The following SPTBN4 variants were observed in gnomAD, a reference collection of about 807,000 sequenced individuals.
SPTBN4 encodes spectrin beta chain, non-erythrocytic 4.
Under a neutral mutation model 277.8 loss-of-function variants are expected in SPTBN4, and 96 were observed. The ratio of observed to expected loss-of-function variants is 0.35; its 90% confidence interval spans 0.29 to 0.41. SPTBN4 has a LOEUF of 0.41. SPTBN4 is among the 10% of genes least tolerant of loss of function. The pLI is 1.00. For missense variants in SPTBN4, 3,006 were observed against 3,595.7 expected (o/e 0.84, Z 4.19); for synonymous variants, 1,481 against 1,580.3 (o/e 0.94, Z 1.49).
At chr19:40,489,990 G>T in intron 3 of SPTBN4, 85 bp from the exon 4 acceptor site, 3 of 1,405,082 alleles carry the variant, frequency 2.1e-6, no homozygotes, top group East Asian at 2.6e-5. Flanking sequence ...CACGGGAGGC[G>T]GGCTTCTTTG....
At chr19:40,529,940 C>G (rs78636815) in intron 18 of SPTBN4, among the ~76,000 whole-genome samples, 2 of 152,154 alleles carry the variant, frequency 1.3e-5, no homozygotes, top group Admixed American at 6.5e-5. Flanking sequence ...GACCCTCCCC[C>G]CTATGTTGAA....
intron 22 of SPTBN4, among the ~76,000 whole-genome samples, chr19:40,550,679 T>G (rs940386145): frequency 4.0e-5 from 6 of 151,836 alleles, no homozygotes; most frequent in African/African-American, 7.3e-5. Context: ...ATTTTTGTAT[T>G]TTTAGTAGAG....
chr19:40,501,241 GAAA>G (rs564405844), intron 7 of SPTBN4, among the ~76,000 whole-genome samples: 2 of 143,804 alleles, frequency 1.4e-5, no homozygotes, highest in Admixed American at 7.0e-5. Context: ...TCCATCTCTT[GAAA>G]AAAAAAAAAG....
intron 20 of SPTBN4, among the ~76,000 whole-genome samples, chr19:40,535,710 A>G (rs1240939144): frequency 6.6e-6 from 1 of 152,134 alleles, no homozygotes; most frequent in African/African-American, 2.4e-5. Context: ...AGGCGGGCGG[A>G]TCACGAGGTC....
chr19:40,483,517 C>T (rs2080035879), intron 2 of SPTBN4, among the ~76,000 whole-genome samples: 1 of 152,082 alleles, frequency 6.6e-6, no homozygotes, highest in Non-Finnish European at 1.5e-5. Flanking sequence ...CTTTAAATTG[C>T]ACCTTGAATG....
At chr19:40,487,960 G>C (rs1453055099) in intron 3 of SPTBN4, 112 bp downstream of exon 3, 4 of 1,242,512 alleles carry the variant, frequency 3.2e-6, no homozygotes, top group Non-Finnish European at 4.3e-6. Flanking sequence ...ATGGGCGAGT[G>C]GAACGTGCTG....
chr19:40,550,137 C>T (rs1439703498), intron 21 of SPTBN4, 101 bp from the exon 22 acceptor site: 5 of 920,440 alleles, frequency 5.4e-6, no homozygotes, highest in Non-Finnish European at 8.2e-6. Context: ...GGCTCTTAGG[C>T]AAGGAAGGGC....
At position 40,554,358 on chromosome 19, in the gene SPTBN4, A is replaced by G; in HGVS notation, c.4886A>G (p.Asp1629Gly). The G allele has an allele frequency of 6.3e-7, 1 of 1,583,096 alleles. No homozygotes were observed. The highest frequency in any genetic ancestry group is 1.1e-5 in the South Asian group (1 of 87,656). Residue 1629 changes from aspartate (D) to glycine (G), a missense_variant, in exon 23 of 36, where the codon GAC (aspartate) becomes GGC (glycine). Physicochemically the swap from Asp to Gly is moderately conservative, Grantham distance 94. Coordinates refer to ENST00000598249, the MANE Select transcript of SPTBN4 (RefSeq NM_020971.3). This position sits in a 1 kb window ranked among gnomAD's most constrained non-coding sequence, Gnocchi z 5.7. ...TTCCAGGTGGAGCAGTACTACTTCG[A>G]CGTGGCTGAGGTGGAGGCGTGGCTG... The part of the protein sequence containing the change: ...AAFQVEQYYF[D>G]VAEVEAWLGE...
At chr19:40,468,760 G>C (rs1441712696) in intron 1 of SPTBN4, among the ~76,000 whole-genome samples, 1 of 152,180 alleles carries the variant, frequency 6.6e-6, no homozygotes. Context: ...GTGGTAGGTA[G>C]CTGTGTGCTC....
At chr19:40,541,573 G>A (rs1158353241) in intron 20 of SPTBN4, among the ~76,000 whole-genome samples, 2 of 152,162 alleles carry the variant, frequency 1.3e-5, no homozygotes, top group Admixed American at 6.6e-5. Context: ...TAGGGCACTG[G>A]GGCCAGGCTG....
intron 2 of SPTBN4, among the ~76,000 whole-genome samples, chr19:40,485,058 G>A (rs910999648): frequency 9.9e-5 from 15 of 151,956 alleles, no homozygotes; most frequent in African/African-American, 3.6e-4. Context: ...GGCCAGGCTG[G>A]TCCCAAACTC....
intron 4 of SPTBN4, among the ~76,000 whole-genome samples, chr19:40,492,102 A>G (rs1305096796): frequency 1.3e-5 from 2 of 151,858 alleles, no homozygotes; most frequent in Non-Finnish European, 1.5e-5. Flanking sequence ...TTGGGAGCTG[A>G]GAGCCCAGGG....
chr19:40,517,435 A>G (rs967244623), intron 15 of SPTBN4, among the ~76,000 whole-genome samples: 1 of 151,968 alleles, frequency 6.6e-6, no homozygotes, highest in Non-Finnish European at 1.5e-5. Context: ...TAGTGGGACT[A>G]TGGATGCACA....
In SPTBN4 at chr19:40,567,675, A is replaced by G; in HGVS notation, c.6349A>G (p.Lys2117Glu). The change falls in exon 31 of 36, where the codon AAA (lysine) becomes GAA (glutamate). Residue 2117 changes from lysine to glutamate, a missense_variant. Lys to Glu is a moderately conservative substitution (Grantham distance 56, BLOSUM62 1). Around this residue, in one of 5 missense-constraint regions of SPTBN4, gnomAD observed 630 missense variants for 677.6 expected, o/e 0.93. Transcript: ENST00000598249. ...CCTCCATCCTCAGATCGAGAAAATC[A>G]AAGCGGAACAGAGCAAGCAGCCGCC... ...LRRLTTIEKI[K>E]AEQSKQPPTP... is the part of the protein sequence containing the mutation. 6.5e-7 allele frequency: 1 copy of G among 1,527,298 alleles called. No homozygotes were observed. The highest frequency in any genetic ancestry group is 8.8e-7 in the Non-Finnish European group (1 of 1,137,792). 94.6% of individuals were successfully genotyped at this position (1,527,298 alleles called of 1,614,324 possible). A position where few individuals can be genotyped will look rare whatever the true frequency, so the allele number is the denominator to read the frequency against.
rs75272797 is a variant in SPTBN4, at chr19:40,519,296, C to A, written c.2904-105C>A. On this transcript the variant is annotated intron_variant, in intron 15 of 35. Coordinates refer to ENST00000598249, the MANE Select transcript of SPTBN4 (RefSeq NM_020971.3). This position sits in a 1 kb window ranked among gnomAD's most constrained non-coding sequence, Gnocchi z 5.7. ...ACTGGAGAAACTTTCTGAGGTCACA[C>A]AGTGGCTGGGTGGCTTGGGCCTGGA... 2 of 1,191,918 alleles carry A rather than the reference C, an allele frequency of 1.7e-6. No homozygotes were observed. Among genetic ancestry groups the A allele is most frequent in the Non-Finnish European group, 1.1e-6 (1 of 910,064 alleles). 73.8% of individuals were successfully genotyped at this position (1,191,918 alleles called of 1,614,324 possible). A position where few individuals can be genotyped will look rare whatever the true frequency, so the allele number is the denominator to read the frequency against.
Position 40,554,767 on chromosome 19 carries a change from T to C in SPTBN4, c.5084+121T>C. 1 of 1,470,006 alleles carries C rather than the reference T, an allele frequency of 6.8e-7. No homozygotes were observed. Among genetic ancestry groups the C allele is most frequent in the Non-Finnish European group, 9.2e-7 (1 of 1,088,584 alleles). 91.1% of individuals were successfully genotyped at this position (1,470,006 alleles called of 1,614,324 possible). A position where few individuals can be genotyped will look rare whatever the true frequency, so the allele number is the denominator to read the frequency against. Reference sequence around the variant, plus strand: ...GGGAGAGGTCCTCCTTGCTGTGTGCTGGAGCCCTCGAATTTGGCAAGTGGG... The same window carrying C: ...GGGAGAGGTCCTCCTTGCTGTGTGCCGGAGCCCTCGAATTTGGCAAGTGGG... On this transcript the variant is annotated intron_variant, in intron 24 of 35. Coordinates refer to ENST00000598249, the MANE Select transcript of SPTBN4 (RefSeq NM_020971.3). This position sits in a 1 kb window ranked among gnomAD's most constrained non-coding sequence, Gnocchi z 5.7.
At chr19:40,498,507 A>G (rs1305134780) in intron 7 of SPTBN4, among the ~76,000 whole-genome samples, 3 of 143,910 alleles carry the variant, frequency 2.1e-5, no homozygotes, top group Admixed American at 1.4e-4. Flanking sequence ...CTGGGTTCAC[A>G]CCATTCTCCT....
In SPTBN4 at chr19:40,515,145, G is replaced by GTTAAA. The variant is rs923559410; in HGVS notation, c.2766-154_2766-150dup. ...AAATTAATTAAATTAAATTAAATAA[G>GTTAAA]TTAAATTAAATTAAATAAAATAAGC... On this transcript the variant is annotated intron_variant, in intron 14 of 35. Transcript: ENST00000598249. This position sits in a 1 kb window ranked among gnomAD's most constrained non-coding sequence, Gnocchi z 4.1. Among the ~76,000 whole-genome samples the GTTAAA allele has an allele frequency of 6.6e-6, 1 of 151,070 alleles. No homozygotes were observed.
rs2081163473 is a variant in SPTBN4, at chr19:40,572,350, C to G, written c.7506C>G (p.Gly2502=). 1 of 1,614,084 alleles carries G rather than the reference C, an allele frequency of 6.2e-7. No homozygotes were observed. The highest frequency in any genetic ancestry group is 1.7e-5 in the Admixed American group (1 of 60,002). The change falls in exon 35 of 36, where the codon GGC becomes GGG. Residue 2502 remains glycine (G), a synonymous_variant. Transcript: ENST00000598249. The stretch of plus-strand genomic sequence containing the variant: ...TCCCTTCCTGCAGGACCCAGGATGG[C>G]AGTGAGTTTTTGCTCCAGGCAAAAG... ...KHVFKLQTQD[G]SEFLLQAKDE... is the part of the protein sequence containing the mutation.
Sources: allele counts gnomAD v4.1 joint callset (sites outside exome capture counted in the v4.1 genomes callset), GRCh38; gene constraint gnomAD v4.1.1; regional missense constraint gnomAD v4.1.1; non-coding constraint Gnocchi (gnomAD v3.1); transcripts MANE v1.5; gene names NCBI Gene and HGNC (gene_info 2026-07-23, HGNC 2026-07-21).